The following OPCML variants were observed in gnomAD, a reference collection of about 807,000 sequenced individuals.
OPCML encodes opioid binding protein/cell adhesion molecule like, also known as opioid-binding protein/cell adhesion molecule.
OPCML carries 13 observed loss-of-function variants against 37.8 expected under a neutral mutation model. The observed-to-expected ratio is 0.34, with a 90% CI of 0.22 to 0.55. OPCML has a LOEUF of 0.55. OPCML is among the 20% of genes least tolerant of loss of function. OPCML has a pLI of 0.91. For synonymous variants in OPCML, 176 were observed against 168.8 expected (o/e 1.04, Z -0.33); for missense variants, 341 against 435.6 (o/e 0.78, Z 1.93).
intron 1 of OPCML, among the ~76,000 whole-genome samples, chr11:133,373,446 T>TATATATATATATATATATAC (rs1482064315): frequency 3.8e-5 from 5 of 133,324 alleles, no homozygotes; most frequent in African/African-American, 9.1e-5. Context: ...TATATATATA[T>TATATATATATATATATATAC]ATACACACAC....
At position 133,206,583 on chromosome 11, in the gene OPCML, A is replaced by T. The variant is rs1939071415; in HGVS notation, c.62-263573T>A. Reference sequence around the variant, plus strand: ...GCCACTAATAAATGAAGGGTAGTAGATTTGGAAAGCTGTTTATAGGCTGTT... The same window carrying T: ...GCCACTAATAAATGAAGGGTAGTAGTTTTGGAAAGCTGTTTATAGGCTGTT... On this transcript the variant is annotated intron_variant, in intron 1 of 7. Transcript: ENST00000524381. This position sits in a 1 kb window ranked among gnomAD's most constrained non-coding sequence, Gnocchi z 4.7. Among the ~76,000 whole-genome samples, 1 of 152,192 alleles carries T rather than the reference A, an allele frequency of 6.6e-6. No individual in the cohort carries two copies. Among genetic ancestry groups the T allele is most frequent in the South Asian group, 2.1e-4 (1 of 4,826 alleles).
intron 4 of OPCML, among the ~76,000 whole-genome samples, chr11:132,466,352 C>T (rs551166040): frequency 6.0e-5 from 9 of 149,928 alleles, no homozygotes; most frequent in South Asian, 2.1e-4. Context: ...GGTGTGGTGG[C>T]GGGCGCCTGT....
At chr11:132,849,321 A>G (rs1028389865) in intron 2 of OPCML, among the ~76,000 whole-genome samples, 3 of 152,246 alleles carry the variant, frequency 2.0e-5, no homozygotes, top group African/African-American at 7.2e-5. Flanking sequence ...AAAGACACCA[A>G]TTGCCTATGC....
At chr11:132,505,072 G>T (rs746254465) in intron 4 of OPCML, among the ~76,000 whole-genome samples, 21 of 152,102 alleles carry the variant, frequency 1.4e-4, no homozygotes, top group Non-Finnish European at 2.6e-4. Flanking sequence ...AGTATAACAG[G>T]TGGAAGCTAG....
chr11:132,982,095 T>C (rs932627356), intron 1 of OPCML, among the ~76,000 whole-genome samples: 1 of 152,186 alleles, frequency 6.6e-6, no homozygotes, highest in African/African-American at 2.4e-5. Flanking sequence ...TTTTTACATC[T>C]GCTCTACTAA....
chr11:133,481,585 C>G lies in OPCML; in HGVS notation c.61+50679G>C, dbSNP rs1040243129. 2.0e-5 allele frequency among the ~76,000 whole-genome samples: 3 copies of G among 152,118 alleles called. No homozygotes were observed. The South Asian group carries it at 6.2e-4, about 32-fold the overall frequency. On this transcript the variant is annotated intron_variant, in intron 1 of 7. Transcript: ENST00000524381. ...CAGAGGTCCACAAAAGATCATGTAT[C>G]TTAAATCAGTGGTGAAATCCATTGT... is the stretch of plus-strand genomic sequence containing the variant.
chr11:132,532,540 T>C (rs905079874), intron 3 of OPCML, among the ~76,000 whole-genome samples: 3 of 152,290 alleles, frequency 2.0e-5, no homozygotes, highest in South Asian at 2.1e-4. Context: ...CATGGGGAGA[T>C]AAATGGATCA....
chr11:132,529,166 T>C lies in OPCML; in HGVS notation c.400A>G (p.Ile134Val), dbSNP rs2096316854. 6.2e-7 allele frequency: 1 copy of C among 1,611,506 alleles called. No homozygotes were observed. The part of the protein sequence containing the change: ...IVQVPPQIMN[I>V]SSDITVNEGS... ...TCATTCACAGTGATGTCTGAGGAGATATTCATGATCTGAGGAGGAACTGTA... is the reference window on the plus strand; with the variant it reads ...TCATTCACAGTGATGTCTGAGGAGACATTCATGATCTGAGGAGGAACTGTA... Residue 134 changes from isoleucine to valine, a missense_variant, in exon 4 of 8, where the codon ATC becomes GTC. Ile to Val is a conservative substitution (Grantham distance 29). Transcript: ENST00000524381.
chr11:133,004,212 G>T (rs1947064076), intron 1 of OPCML: 1 of 985,328 alleles, frequency 1.0e-6, no homozygotes, highest in African/African-American at 1.7e-5. Flanking sequence ...CCTTGCCTGA[G>T]AGTCACTTTC....
chr11:133,207,168 C>A (rs11223391), intron 1 of OPCML, among the ~76,000 whole-genome samples: 1 of 149,154 alleles, frequency 6.7e-6, no homozygotes, highest in Non-Finnish European at 1.5e-5. Flanking sequence ...GGTGTGGTGG[C>A]GGGCACCTGT....
intron 2 of OPCML, among the ~76,000 whole-genome samples, chr11:132,829,484 G>A (rs139455491): frequency 6.6e-6 from 1 of 152,298 alleles, no homozygotes; most frequent in East Asian, 1.9e-4. Context: ...GACTGAAAAC[G>A]TACATACAGA....
intron 2 of OPCML, among the ~76,000 whole-genome samples, chr11:132,939,779 T>G (rs1476201157): frequency 6.6e-6 from 1 of 152,180 alleles, no homozygotes; most frequent in Non-Finnish European, 1.5e-5. Context: ...TTCAGACACA[T>G]GACTTCTGGA....
At chr11:133,232,754 G>A (rs1463053229) in intron 1 of OPCML, among the ~76,000 whole-genome samples, 2 of 152,130 alleles carry the variant, frequency 1.3e-5, no homozygotes, top group African/African-American at 2.4e-5. Flanking sequence ...TTTCAAATAG[G>A]AGAGAAAAAG....
chr11:132,444,595 C>T (rs1282580527), intron 4 of OPCML, among the ~76,000 whole-genome samples: 1 of 152,176 alleles, frequency 6.6e-6, no homozygotes, highest in Non-Finnish European at 1.5e-5. Context: ...AGGCTAAGCC[C>T]ACAGTATGTG....
intron 2 of OPCML, among the ~76,000 whole-genome samples, chr11:132,697,022 T>A (rs1442825714): frequency 6.6e-6 from 1 of 152,164 alleles, no homozygotes; most frequent in East Asian, 1.9e-4. Flanking sequence ...TATGTATAGG[T>A]CCTATATAAA....
intron 1 of OPCML, chr11:133,439,252 A>G (rs943465024): frequency 9.2e-6 from 9 of 979,750 alleles, no homozygotes; most frequent in Admixed American, 6.2e-5. Context: ...AATTGAGTTG[A>G]AGCACTGGAC....
At chr11:132,785,679 A>G (rs1947185276) in intron 2 of OPCML, among the ~76,000 whole-genome samples, 1 of 152,210 alleles carries the variant, frequency 6.6e-6, no homozygotes, top group African/African-American at 2.4e-5. Flanking sequence ...TCTGTGCAGT[A>G]GAATCACAGG....
At chr11:132,993,504 G>A (rs1435366110) in intron 1 of OPCML, among the ~76,000 whole-genome samples, 1 of 152,152 alleles carries the variant, frequency 6.6e-6, no homozygotes, top group East Asian at 1.9e-4. Context: ...ATGCCAGCAG[G>A]CGTGGCTGAC....
chr11:132,544,094 G>A (rs2096363457), intron 3 of OPCML, among the ~76,000 whole-genome samples: 4 of 151,954 alleles, frequency 2.6e-5, no homozygotes, highest in African/African-American at 9.7e-5. Context: ...TGAGTGTCTG[G>A]TATATTCAAT....
Sources: allele counts gnomAD v4.1 joint callset (sites outside exome capture counted in the v4.1 genomes callset), GRCh38; gene constraint gnomAD v4.1.1; non-coding constraint Gnocchi (gnomAD v3.1); transcripts MANE v1.5; gene names NCBI Gene and HGNC (gene_info 2026-07-23, HGNC 2026-07-21).